The following TMEM132D variants were observed in gnomAD, a reference collection of about 807,000 sequenced individuals.
TMEM132D encodes mature OL transmembrane protein.
Under a neutral mutation model 62.3 loss-of-function variants are expected in TMEM132D, and 21 were observed. That is an observed-to-expected ratio of 0.34 (90% CI 0.24 to 0.49). The LOEUF (loss-of-function observed/expected upper bound fraction) is 0.49. Among genes scored for constraint, TMEM132D ranks in the 20% least tolerant of loss-of-function variants. The probability of loss-of-function intolerance (pLI) is 0.99; values close to 1 mark genes in which losing one functional copy is unlikely to be tolerated. For missense variants in TMEM132D, 1,346 were observed against 1,402.8 expected, an observed-to-expected ratio of 0.96 and a Z score of 0.65; for synonymous variants, 621 against 575.6, an observed-to-expected ratio of 1.08 and a Z score of -1.13.
At chr12:129,647,243 G>GGTTTT (rs746675733) in intron 2 of TMEM132D, among the ~76,000 whole-genome samples, 1 of 117,594 alleles carries the variant, frequency 8.5e-6, no homozygotes, top group African/African-American at 3.3e-5. Flanking sequence ...TTGTTTTTCT[G>GGTTTT]TTTTTTTTTT....
chr12:129,525,231 T>TTTG (rs1566098216), intron 3 of TMEM132D, among the ~76,000 whole-genome samples: 1 of 125,386 alleles, frequency 8.0e-6, no homozygotes, highest in Non-Finnish European at 1.6e-5. Flanking sequence ...AGCCGGTTTT[T>TTTG]TTTTTTTTTT....
At chr12:129,741,030 C>T (rs1284827452) in intron 1 of TMEM132D, among the ~76,000 whole-genome samples, 1 of 152,116 alleles carries the variant, frequency 6.6e-6, no homozygotes, top group African/African-American at 2.4e-5. Context: ...TGATTTGTGT[C>T]ATTTCAGCCA....
chr12:129,607,402 C>A (rs186941327), intron 2 of TMEM132D, among the ~76,000 whole-genome samples: 3 of 152,134 alleles, frequency 2.0e-5, no homozygotes, highest in African/African-American at 7.2e-5. Context: ...AGAATTCCTA[C>A]GAAGGGTTGC....
chr12:129,439,503 G>A (rs1190165147), intron 3 of TMEM132D, among the ~76,000 whole-genome samples: 1 of 152,098 alleles, frequency 6.6e-6, no homozygotes. Context: ...AGGTTGGAGT[G>A]CAGTGGCATG....
intron 4 of TMEM132D, among the ~76,000 whole-genome samples, chr12:129,241,099 A>G (rs77334948): frequency 0.042 from 6,066 of 145,492 alleles, 384 homozygotes; most frequent in African/African-American, 0.14. Context: ...ATAATATGTT[A>G]TTTATACTCC....
chr12:129,164,041 T>C (rs977219674), intron 5 of TMEM132D, among the ~76,000 whole-genome samples: 1 of 152,224 alleles, frequency 6.6e-6, no homozygotes, highest in Non-Finnish European at 1.5e-5. Context: ...ATCCAAATAC[T>C]GTGCATGACT....
chr12:129,261,905 G>A (rs1232555502), intron 4 of TMEM132D, among the ~76,000 whole-genome samples: 2 of 152,120 alleles, frequency 1.3e-5, no homozygotes, highest in Non-Finnish European at 2.9e-5. Flanking sequence ...GAATTTGGAG[G>A]GGAGACCCAT....
intron 4 of TMEM132D, among the ~76,000 whole-genome samples, chr12:129,225,261 G>A (rs1868337192): frequency 6.6e-6 from 1 of 152,200 alleles, no homozygotes; most frequent in African/African-American, 2.4e-5. Flanking sequence ...ACCATTGTTG[G>A]CGTCATCCAC....
chr12:129,348,763 T>C (rs1335144249), intron 3 of TMEM132D, among the ~76,000 whole-genome samples: 2 of 151,664 alleles, frequency 1.3e-5, no homozygotes, highest in Non-Finnish European at 2.9e-5. Context: ...GGGAGAGGGA[T>C]TGCCCAGCAT....
intron 3 of TMEM132D, among the ~76,000 whole-genome samples, chr12:129,513,341 C>T (rs1270422177): frequency 1.3e-5 from 2 of 152,150 alleles, no homozygotes; most frequent in African/African-American, 2.4e-5. Context: ...CAGCACTCAG[C>T]CATTGATGAG....
At chr12:129,741,812 C>G (rs553644898) in intron 1 of TMEM132D, among the ~76,000 whole-genome samples, 1 of 152,148 alleles carries the variant, frequency 6.6e-6, no homozygotes, top group Non-Finnish European at 1.5e-5. Context: ...AAAATGAGGA[C>G]AGTCTTCAAG....
intron 5 of TMEM132D, among the ~76,000 whole-genome samples, chr12:129,155,786 A>G (rs1459760219): frequency 1.3e-5 from 2 of 152,154 alleles, no homozygotes; most frequent in African/African-American, 4.8e-5. Context: ...GTACATGCCT[A>G]TGATAACCCA....
At chr12:129,778,695 C>G (rs1871026650) in intron 1 of TMEM132D, among the ~76,000 whole-genome samples, 1 of 152,192 alleles carries the variant, frequency 6.6e-6, no homozygotes, top group Non-Finnish European at 1.5e-5. Flanking sequence ...TGAACTCTGA[C>G]CCCGGCATGG....
chr12:129,280,233 T>C, intron 4 of TMEM132D, among the ~76,000 whole-genome samples: 1 of 152,232 alleles, frequency 6.6e-6, no homozygotes, highest in East Asian at 1.9e-4. Flanking sequence ...TGTTGAATTC[T>C]TTTAGTACTC....
chr12:129,260,497 T>A (rs1156884834), intron 4 of TMEM132D, among the ~76,000 whole-genome samples: 1 of 152,198 alleles, frequency 6.6e-6, no homozygotes, highest in Non-Finnish European at 1.5e-5. Context: ...GAAGGAGGGA[T>A]CTAAGGAGAT....
intron 3 of TMEM132D, among the ~76,000 whole-genome samples, chr12:129,425,330 G>A (rs550644547): frequency 6.6e-6 from 1 of 151,788 alleles, no homozygotes; most frequent in Non-Finnish European, 1.5e-5. Flanking sequence ...AACTGAGGAA[G>A]CTTCCCAAAG....
intron 3 of TMEM132D, among the ~76,000 whole-genome samples, chr12:129,476,632 G>A (rs1038321200): frequency 1.7e-4 from 26 of 152,296 alleles, no homozygotes; most frequent in African/African-American, 5.5e-4. Flanking sequence ...GGACCCACCT[G>A]AGCCTGCCAA....
chr12:129,376,356 A>G (rs1315536647), intron 3 of TMEM132D, among the ~76,000 whole-genome samples: 1 of 152,172 alleles, frequency 6.6e-6, no homozygotes, highest in East Asian at 1.9e-4. Context: ...TCTTCTTCCC[A>G]TGGTGGTAGC....
chr12:129,178,630 T>C (rs1298389761), intron 5 of TMEM132D, among the ~76,000 whole-genome samples: 2 of 152,172 alleles, frequency 1.3e-5, no homozygotes, highest in African/African-American at 4.8e-5. Flanking sequence ...AGGGTGATAT[T>C]TGGGCAAACA....
Sources: allele counts gnomAD v4.1 joint callset (sites outside exome capture counted in the v4.1 genomes callset), GRCh38; gene constraint gnomAD v4.1.1; transcripts MANE v1.5; gene names NCBI Gene and HGNC (gene_info 2026-07-23, HGNC 2026-07-21).